The following PDE1C variants were observed in gnomAD, a reference collection of about 807,000 sequenced individuals.
PDE1C encodes dual specificity calcium/calmodulin-dependent 3',5'-cyclic nucleotide phosphodiesterase 1C.
A neutral mutation model predicts 93.1 loss-of-function variants in PDE1C; 62 were observed. That is an observed-to-expected ratio of 0.67 (90% CI 0.54 to 0.82). The LOEUF (loss-of-function observed/expected upper bound fraction) is 0.82. PDE1C is among the 40% of genes least tolerant of loss of function. PDE1C has a pLI of 0.00. For synonymous variants in PDE1C, 325 were observed against 310.1 expected, an observed-to-expected ratio of 1.05 and a Z score of -0.50; for missense variants, 742 against 884.6, an observed-to-expected ratio of 0.84 and a Z score of 2.04.
intron 1 of PDE1C, among the ~76,000 whole-genome samples, chr7:32,381,537 C>T (rs1784534396): frequency 6.6e-6 from 1 of 152,172 alleles, no homozygotes; most frequent in Admixed American, 6.5e-5. Flanking sequence ...CCCTGGCCTC[C>T]TTACTGCTCT....
the PDE1C span, among the ~76,000 whole-genome samples, chr7:31,630,293 C>T: frequency 6.9e-6 from 1 of 145,832 alleles, no homozygotes; most frequent in Non-Finnish European, 1.5e-5. Context: ...AGTAATACTA[C>T]CAAATATTGA....
chr7:31,756,894 A>G (rs1472183407), intron 17 of PDE1C, among the ~76,000 whole-genome samples: 1 of 152,218 alleles, frequency 6.6e-6, no homozygotes, highest in African/African-American at 2.4e-5. Context: ...TCACTGAAAA[A>G]GCCAGTGCAG....
chr7:31,966,887 A>C (rs952513569), intron 2 of PDE1C, among the ~76,000 whole-genome samples: 9 of 152,172 alleles, frequency 5.9e-5, no homozygotes, highest in Non-Finnish European at 1.3e-4. Flanking sequence ...TGAAGGCAGA[A>C]ATAAAGATGT....
At chr7:31,998,226 A>G (rs770290872) in intron 2 of PDE1C, among the ~76,000 whole-genome samples, 20 of 152,050 alleles carry the variant, frequency 1.3e-4, no homozygotes, top group East Asian at 3.9e-4. Flanking sequence ...TCACCATGTT[A>G]GCCAGGATGG....
chr7:31,958,481 C>G (rs1044021157), intron 2 of PDE1C, among the ~76,000 whole-genome samples: 4 of 152,144 alleles, frequency 2.6e-5, no homozygotes, highest in Non-Finnish European at 5.9e-5. Context: ...TGCAAAGCTG[C>G]CTTTTGCAAT....
In PDE1C at chr7:32,283,949, G is replaced by A. The variant is rs117527645; in HGVS notation, c.85+14702C>T. On this transcript the variant is annotated intron_variant, in intron 1 of 18. Coordinates refer to the PDE1C transcript ENST00000396193. Reference sequence around the variant, plus strand: ...CAGAGGACCAGGGTCAAGTTTTGGTGCAGTCAGTAAATACTACCTTGATCA... The same window carrying A: ...CAGAGGACCAGGGTCAAGTTTTGGTACAGTCAGTAAATACTACCTTGATCA... Among the ~76,000 whole-genome samples, 1,441 of 152,286 alleles carry A rather than the reference G, an allele frequency of 9.5e-3. 33 individuals are homozygous for A. Among genetic ancestry groups the A allele is most frequent in the Admixed American group, 0.043 (652 of 15,296 alleles).
intron 1 of PDE1C, among the ~76,000 whole-genome samples, chr7:32,368,647 A>T (rs560675077): frequency 6.6e-6 from 1 of 152,286 alleles, no homozygotes; most frequent in African/African-American, 2.4e-5. Context: ...AAATTTTTTT[A>T]AAATCAATCT....
At chr7:31,623,068 T>C in the PDE1C span, among the ~76,000 whole-genome samples, 1 of 152,254 alleles carries the variant, frequency 6.6e-6, no homozygotes, top group Admixed American at 6.5e-5. Flanking sequence ...AAGTTGAATC[T>C]CTGAATAGGC....
chr7:32,069,625 C>A (rs1419920826), intron 1 of PDE1C, among the ~76,000 whole-genome samples: 1 of 152,068 alleles, frequency 6.6e-6, no homozygotes, highest in African/African-American at 2.4e-5. Flanking sequence ...ACAGACAGAA[C>A]CCAATGAAGT....
the PDE1C span, among the ~76,000 whole-genome samples, chr7:31,640,272 A>G: frequency 6.6e-6 from 1 of 152,104 alleles, no homozygotes; most frequent in Non-Finnish European, 1.5e-5. Flanking sequence ...CTGGATGAGT[A>G]CTGGGCAGTG....
chr7:32,219,883 G>C (rs1028621361), intron 1 of PDE1C, among the ~76,000 whole-genome samples: 2 of 152,168 alleles, frequency 1.3e-5, no homozygotes, highest in African/African-American at 4.8e-5. Flanking sequence ...ATGTGTTGTG[G>C]GAGGGACCCA....
the PDE1C span, among the ~76,000 whole-genome samples, chr7:31,727,594 TA>T: frequency 6.6e-6 from 1 of 152,214 alleles, no homozygotes; most frequent in East Asian, 1.9e-4. Context: ...CTTCATTTTA[TA>T]GAGGAGGAAA....
chr7:32,397,933 T>C (rs1308760723), intron 1 of PDE1C, among the ~76,000 whole-genome samples: 1 of 151,630 alleles, frequency 6.6e-6, no homozygotes, highest in South Asian at 2.1e-4. Flanking sequence ...GGCAGGTAGA[T>C]CATGAGGTCA....
chr7:31,734,744 A>G, the PDE1C span, among the ~76,000 whole-genome samples: 1 of 152,234 alleles, frequency 6.6e-6, no homozygotes, highest in Non-Finnish European at 1.5e-5. Flanking sequence ...CCCGGGGCAC[A>G]TATGTCCCAT....
At chr7:31,825,042 A>G in intron 12 of PDE1C, 55 bp from the exon 13 acceptor site, 1 of 1,604,516 alleles carries the variant, frequency 6.2e-7, no homozygotes, top group South Asian at 1.1e-5. Context: ...GGGCCTTTCC[A>G]TACTTTCCAG....
intron 2 of PDE1C, among the ~76,000 whole-genome samples, chr7:32,025,807 C>T (rs1007109070): frequency 6.6e-6 from 1 of 152,160 alleles, no homozygotes; most frequent in Non-Finnish European, 1.5e-5. Flanking sequence ...AGATAGTGTC[C>T]CTGCTCCACT....
Position 32,161,127 on chromosome 7 carries a change from A to G in PDE1C, c.308+8658T>C, listed in dbSNP as rs779413404. ...TGCAAAACTACAACCCATTCATTCA[A>G]TCAACAAATACACCTGAAGCATCTA... On this transcript the variant is annotated intron_variant, in intron 3 of 18. Coordinates refer to the PDE1C transcript ENST00000396193. Among the ~76,000 whole-genome samples, 28 of 152,348 alleles carry G rather than the reference A, an allele frequency of 1.8e-4. 1 individual carries two copies. The highest frequency in any genetic ancestry group is 1.0e-3 in the South Asian group (5 of 4,822).
intron 2 of PDE1C, among the ~76,000 whole-genome samples, chr7:32,000,498 T>G (rs970911696): frequency 1.5e-4 from 23 of 152,124 alleles, no homozygotes; most frequent in African/African-American, 5.6e-4. Flanking sequence ...AGGAGAGTGG[T>G]ATGGGAGACC....
chr7:32,120,261 G>A (rs920277324), intron 3 of PDE1C, among the ~76,000 whole-genome samples: 1 of 152,204 alleles, frequency 6.6e-6, no homozygotes, highest in Non-Finnish European at 1.5e-5. Flanking sequence ...AGCCCCTAGG[G>A]GGAAGGGTGG....
Sources: gnomAD v4.1 joint callset for allele counts (sites outside exome capture counted in the v4.1 genomes callset) on GRCh38, gnomAD v4.1.1 for gene constraint, MANE v1.5 for transcripts, NCBI Gene and HGNC (gene_info 2026-07-23, HGNC 2026-07-21) for gene names.